The following C13orf46 variants were observed in gnomAD, a reference collection of about 807,000 sequenced individuals.
C13orf46 encodes uncharacterized protein C13orf46.
rs1166732743 is a variant in C13orf46 at position 113,964,418 on chromosome 13, C to T, written c.572+509G>A. Among the ~76,000 whole-genome samples the T allele has an allele frequency of 2.0e-5, 3 of 152,150 alleles. 1 individual carries two copies. The highest frequency in any genetic ancestry group is 4.4e-5 in the Non-Finnish European group (3 of 68,026). ...CTACACAGCATCCAGCCTGGGGACA[C>T]GGATCATCTCTTCGGAGGCTGCCTA... On this transcript the variant is annotated intron_variant, in intron 6 of 6. Transcript: ENST00000636427.
At chr13:113,932,308 AC>A in the C13orf46 span, among the ~76,000 whole-genome samples, 1 of 152,318 alleles carries the variant, frequency 6.6e-6, no homozygotes, top group South Asian at 2.1e-4. Context: ...AAATGGCCGA[AC>A]CGTTCCCTGT....
At chr13:113,970,773 G>A (rs545269555) in intron 1 of C13orf46, among the ~76,000 whole-genome samples, 7 of 152,094 alleles carry the variant, frequency 4.6e-5, no homozygotes, top group South Asian at 4.2e-4. Context: ...GTCTTTTTTC[G>A]GGACCACTTT....
rs1438957366 is a variant in C13orf46 at position 113,956,077 on chromosome 13, T to A, written c.*696A>T. 7.1e-6 allele frequency: 1 copy of A among 140,420 alleles called. No homozygotes were observed. Among genetic ancestry groups the A allele is most frequent in the Non-Finnish European group, 1.5e-5 (1 of 67,838 alleles). The allele number at this position is 140,420 out of a possible 1,614,324, so 8.7% of individuals were successfully genotyped here. On this transcript the variant is annotated 3_prime_UTR_variant, in exon 7 of 7. Coordinates refer to ENST00000636427, the MANE Select transcript of C13orf46 (RefSeq NM_001365455.2). ...GATCTGGCGGAGAGGAGGAGTAGGA[T>A]CTGGCGGAGAGGTGGAGTAGTATCT...
Position 113,956,713 on chromosome 13 carries a change from C to T in C13orf46, c.*60G>A, listed in dbSNP as rs2052537872. 6.6e-6 allele frequency: 1 copy of T among 152,416 alleles called. No homozygotes were observed. Among genetic ancestry groups the T allele is most frequent in the Non-Finnish European group, 1.5e-5 (1 of 68,180 alleles). 9.4% of individuals were successfully genotyped at this position (152,416 alleles called of 1,614,324 possible). Reference sequence around the variant, plus strand: ...CCGTCCCGCCTCCTGTGCCCCCAGCCCCTCTGCACCCCGTCTCCTTCCTCT... The same window carrying T: ...CCGTCCCGCCTCCTGTGCCCCCAGCTCCTCTGCACCCCGTCTCCTTCCTCT... On this transcript the variant is annotated 3_prime_UTR_variant, in exon 7 of 7. Coordinates refer to ENST00000636427, the MANE Select transcript of C13orf46 (RefSeq NM_001365455.2).
At chr13:113,936,638 GA>G in the C13orf46 span, among the ~76,000 whole-genome samples, 1 of 152,090 alleles carries the variant, frequency 6.6e-6, no homozygotes, top group Admixed American at 6.5e-5. Context: ...CAGCCTCCCT[GA>G]AAATGCAGAG....
At chr13:113,931,260 G>A in the C13orf46 span, among the ~76,000 whole-genome samples, 13 of 152,216 alleles carry the variant, frequency 8.5e-5, no homozygotes, top group African/African-American at 1.2e-4. Flanking sequence ...ACCCAACAGC[G>A]TGCAGTCTTT....
chr13:113,938,115 A>G, the C13orf46 span, among the ~76,000 whole-genome samples: 2 of 152,326 alleles, frequency 1.3e-5, no homozygotes, highest in African/African-American at 2.4e-5. Context: ...TCCTTTCACA[A>G]GATGAACATG....
chr13:113,948,886 T>C (rs1306400261), downstream of C13orf46, among the ~76,000 whole-genome samples: 2 of 152,238 alleles, frequency 1.3e-5, no homozygotes, highest in Non-Finnish European at 2.9e-5. Context: ...AATTTCCTGA[T>C]AGGGGTGTCT....
rs1231493102 is a variant in C13orf46, at chr13:113,961,242, TTTAA to T, written c.572+3681_572+3684del. Reference sequence around the variant, plus strand: ...AAATGATACTAAATCTTCTTTTAGTTTTAATTGTGAGCATGTTATTGATATAAAT... The same window carrying T: ...AAATGATACTAAATCTTCTTTTAGTTTTGTGAGCATGTTATTGATATAAAT... On this transcript the variant is annotated intron_variant, in intron 6 of 6. Transcript: ENST00000636427. 4.6e-5 allele frequency among the ~76,000 whole-genome samples: 7 copies of T among 152,274 alleles called. No individual in the cohort carries two copies. In the East Asian group the frequency reaches 5.8e-4, roughly 13 times the overall value.
At chr13:113,942,771 G>A in the C13orf46 span, among the ~76,000 whole-genome samples, 1 of 152,232 alleles carries the variant, frequency 6.6e-6, no homozygotes, top group Non-Finnish European at 1.5e-5. Flanking sequence ...GAGGCGGCCT[G>A]TTGGTGATCG....
At chr13:113,965,728 ATGGTGAAGG>A (rs2052630473) in intron 5 of C13orf46, among the ~76,000 whole-genome samples, 1 of 140,374 alleles carries the variant, frequency 7.1e-6, no homozygotes, top group South Asian at 2.4e-4. Context: ...GGTGGTGATG[ATGGTGAAGG>A]TGATGATGGT....
At chr13:113,937,593 C>T in the C13orf46 span, among the ~76,000 whole-genome samples, 4 of 152,188 alleles carry the variant, frequency 2.6e-5, no homozygotes, top group Non-Finnish European at 4.4e-5. Context: ...ACCTGTGACA[C>T]AGCCTCCGGA....
At chr13:113,970,872 C>A (rs2052697817) in intron 1 of C13orf46, among the ~76,000 whole-genome samples, 1 of 152,246 alleles carries the variant, frequency 6.6e-6, no homozygotes, top group African/African-American at 2.4e-5. Flanking sequence ...GTGCTCCCGG[C>A]AGGAACCCAA....
chr13:113,955,991 G>C lies in C13orf46; in HGVS notation c.*782C>G, dbSNP rs1223770739. On this transcript the variant is annotated 3_prime_UTR_variant, in exon 7 of 7. Coordinates refer to ENST00000636427, the MANE Select transcript of C13orf46 (RefSeq NM_001365455.2). ...CTGGCGGAGACGAGGAGTAGGATCT[G>C]GCAGAGAGGAGGAGTAGGATCTGGC... 1 of 158,864 alleles carries C rather than the reference G, an allele frequency of 6.3e-6. No individual in the cohort carries two copies. The highest frequency in any genetic ancestry group is 2.5e-5 in the African/African-American group (1 of 40,432). 9.8% of individuals were successfully genotyped at this position (158,864 alleles called of 1,614,324 possible). A position where few individuals can be genotyped will look rare whatever the true frequency, so the allele number is the denominator to read the frequency against.
At chr13:113,962,928 G>A (rs898184011) in intron 6 of C13orf46, among the ~76,000 whole-genome samples, 1,753 of 152,278 alleles carry the variant, frequency 0.012, 24 homozygotes, top group African/African-American at 0.041. Context: ...ACCTGGTTAC[G>A]GTAGGAGTCA....
chr13:113,942,418 T>C, the C13orf46 span, among the ~76,000 whole-genome samples: 1 of 152,206 alleles, frequency 6.6e-6, no homozygotes, highest in African/African-American at 2.4e-5. Context: ...AATCAGGATT[T>C]GGTCTCCCAG....
At chr13:113,944,287 G>A in the C13orf46 span, among the ~76,000 whole-genome samples, 9 of 152,106 alleles carry the variant, frequency 5.9e-5, no homozygotes, top group African/African-American at 2.2e-4. Flanking sequence ...CCTCACTGCC[G>A]GGACCCCCTC....
the C13orf46 span, among the ~76,000 whole-genome samples, chr13:113,938,943 C>CA: frequency 6.6e-6 from 1 of 152,140 alleles, no homozygotes; most frequent in Non-Finnish European, 1.5e-5. Context: ...GTGCACACCA[C>CA]AGCACCTGCG....
the C13orf46 span, among the ~76,000 whole-genome samples, chr13:113,945,621 A>AAAG: frequency 3.3e-5 from 4 of 122,790 alleles, no homozygotes; most frequent in African/African-American, 1.2e-4. Context: ...AGAAAGAAAG[A>AAAG]AAGAAAGAAA....
Sources: allele counts gnomAD v4.1 joint callset (sites outside exome capture counted in the v4.1 genomes callset), GRCh38; gene constraint gnomAD v4.1.1; transcripts MANE v1.5; gene names NCBI Gene and HGNC (gene_info 2026-07-23, HGNC 2026-07-21).